Variants in GALNT16 observed in about 807,000 individuals in gnomAD.
GALNT16 encodes polypeptide N-acetylgalactosaminyltransferase 16.
In GALNT16, 40 loss-of-function variants were observed where a neutral mutation model predicts 76.1. The observed-to-expected ratio is 0.53, with a 90% confidence interval of 0.41 to 0.68. The LOEUF (loss-of-function observed/expected upper bound fraction) is 0.68, where lower values mean the gene tolerates loss of function less well. Among genes scored for constraint, GALNT16 ranks in the 30% least tolerant of loss-of-function variants. The probability of loss-of-function intolerance (pLI) is 0.00; values close to 1 mark genes in which losing one functional copy is unlikely to be tolerated. For missense variants in GALNT16, 621 were observed against 731.9 expected, an observed-to-expected ratio of 0.85 and a Z score of 1.75; for synonymous variants, 276 against 285.2, an observed-to-expected ratio of 0.97 and a Z score of 0.32.
intron 1 of GALNT16, among the ~76,000 whole-genome samples, chr14:69,316,782 G>GGGC (rs61163099): frequency 0.3 from 41,609 of 139,484 alleles, 6,536 homozygotes; most frequent in Admixed American, 0.32. Context: ...TGTGAGGGGG[G>GGGC]GGGGCACTGA....
At chr14:69,370,676 A>G in the GALNT16 span, among the ~76,000 whole-genome samples, 1 of 152,200 alleles carries the variant, frequency 6.6e-6, no homozygotes, top group East Asian at 1.9e-4. Context: ...TATTTGAAGC[A>G]CATCTCATAT....
the GALNT16 span, among the ~76,000 whole-genome samples, chr14:69,385,892 C>T: frequency 6.6e-6 from 1 of 152,152 alleles, no homozygotes; most frequent in East Asian, 1.9e-4. Context: ...TCATTGCTCC[C>T]TGCTCCTCCA....
chr14:69,377,111 G>A, the GALNT16 span, among the ~76,000 whole-genome samples: 72 of 152,288 alleles, frequency 4.7e-4, no homozygotes, highest in Admixed American at 3.5e-3. Context: ...TGTTTTCTGT[G>A]TCCCCTGTGC....
At chr14:69,295,314 C>T (rs1382262968) in intron 1 of GALNT16, among the ~76,000 whole-genome samples, 3 of 150,556 alleles carry the variant, frequency 2.0e-5, no homozygotes, top group Non-Finnish European at 4.4e-5. Flanking sequence ...ACTTGAGAGG[C>T]TGAGACGGGA....
rs376007601 is a variant in GALNT16 at position 69,333,500 on chromosome 14, G to A, written c.867G>A (p.Thr289=). The A allele has an allele frequency of 2.0e-5, 32 of 1,601,244 alleles. No homozygotes were observed. In the African/African-American group the frequency reaches 2.9e-4, roughly 15 times the overall value. The part of the protein sequence containing the change: ...TRTDPTRPIR[T]PVIAGGIFVI... ...TCTTCCCTCTCCTTGCTCCCAGGAC[G>A]CCTGTCATAGCTGGAGGAATCTTCG... is the stretch of plus-strand genomic sequence containing the variant. Residue 289 remains threonine, a synonymous_variant, in exon 9 of 15, where the codon ACG becomes ACA. Coordinates refer to ENST00000448469, the MANE Select transcript of GALNT16 (RefSeq NM_001168368.2). The surrounding 1 kb of genome is among the most constrained non-coding windows in gnomAD (Gnocchi z 4.2).
intron 1 of GALNT16, among the ~76,000 whole-genome samples, chr14:69,288,408 T>C (rs1377822139): frequency 6.6e-6 from 1 of 152,154 alleles, no homozygotes; most frequent in Non-Finnish European, 1.5e-5. Context: ...TCTGATGCAA[T>C]TGGTGGTGAA....
the GALNT16 span, among the ~76,000 whole-genome samples, chr14:69,366,349 G>A: frequency 6.6e-6 from 1 of 151,540 alleles, no homozygotes; most frequent in South Asian, 2.1e-4. Flanking sequence ...TGAATCCTTC[G>A]AAGGCACCAA....
chr14:69,320,957 A>C, intron 2 of GALNT16, 89 bp downstream of exon 2: 1 of 1,266,768 alleles, frequency 7.9e-7, no homozygotes, highest in Non-Finnish European at 1.1e-6. Flanking sequence ...TATCTAAGAA[A>C]TGAGGATGAT....
In GALNT16 at chr14:69,333,473, C is replaced by T. The variant is rs200847365; in HGVS notation, c.864-24C>T. 305 of 1,446,446 alleles carry T rather than the reference C, an allele frequency of 2.1e-4. 1 individual carries two copies. Among genetic ancestry groups the T allele is most frequent in the African/African-American group, 1.7e-3 (120 of 71,980 alleles). The allele number at this position is 1,446,446 out of a possible 1,614,324, so 89.6% of individuals were successfully genotyped here. ...CCTTGCTTCTCCAGCTCACGTGTTG[C>T]GTCTTCCCTCTCCTTGCTCCCAGGA... On this transcript the variant is annotated intron_variant, in intron 8 of 14. Coordinates refer to ENST00000448469, the MANE Select transcript of GALNT16 (RefSeq NM_001168368.2). This position sits in a 1 kb window ranked among gnomAD's most constrained non-coding sequence, Gnocchi z 4.2.
chr14:69,275,126 T>C (rs973422544), intron 1 of GALNT16, among the ~76,000 whole-genome samples: 1 of 152,156 alleles, frequency 6.6e-6, no homozygotes, highest in African/African-American at 2.4e-5. Flanking sequence ...GGGGTGACCA[T>C]AGCAGGTGCC....
chr14:69,363,275 G>A, the GALNT16 span, among the ~76,000 whole-genome samples: 1 of 152,288 alleles, frequency 6.6e-6, no homozygotes, highest in East Asian at 1.9e-4. Context: ...TGGCAGTCAC[G>A]CTGCCGAGAA....
At chr14:69,339,786 GA>G (rs1838029470) in intron 11 of GALNT16, among the ~76,000 whole-genome samples, 167 bp downstream of exon 11, 1 of 152,254 alleles carries the variant, frequency 6.6e-6, no homozygotes, top group South Asian at 2.1e-4. Context: ...CAACCGCAGA[GA>G]CAAGACCTTA....
At chr14:69,291,996 C>T (rs1025546797) in intron 1 of GALNT16, among the ~76,000 whole-genome samples, 16 of 152,214 alleles carry the variant, frequency 1.1e-4, no homozygotes, top group African/African-American at 3.9e-4. Context: ...CTCCTGGGCA[C>T]AGGCCTGATG....
intron 1 of GALNT16, among the ~76,000 whole-genome samples, chr14:69,271,435 G>A (rs910612504): frequency 6.6e-6 from 1 of 152,228 alleles, no homozygotes; most frequent in Non-Finnish European, 1.5e-5. Context: ...ACAGGTCTGA[G>A]CGAGAGTGCT....
intron 1 of GALNT16, among the ~76,000 whole-genome samples, chr14:69,302,003 C>A (rs2044860506): frequency 6.6e-6 from 1 of 152,050 alleles, no homozygotes; most frequent in Non-Finnish European, 1.5e-5. Flanking sequence ...ACACAGAAAA[C>A]AGAATCTCAA....
At chr14:69,309,812 G>A (rs2140149363) in intron 1 of GALNT16, among the ~76,000 whole-genome samples, 1 of 152,254 alleles carries the variant, frequency 6.6e-6, no homozygotes, top group East Asian at 1.9e-4. Context: ...AAAATGTTAA[G>A]TCTTTGTATA....
At chr14:69,362,410 G>C in the GALNT16 span, among the ~76,000 whole-genome samples, 1 of 152,252 alleles carries the variant, frequency 6.6e-6, no homozygotes, top group African/African-American at 2.4e-5. Context: ...TCCACCAGGT[G>C]CCTGGATCTC....
At chr14:69,306,532 G>T (rs928302036) in intron 1 of GALNT16, among the ~76,000 whole-genome samples, 5 of 152,258 alleles carry the variant, frequency 3.3e-5, no homozygotes, top group Middle Eastern at 3.4e-3. Flanking sequence ...TCAGTTGAGA[G>T]AACATAATTT....
In GALNT16 at chr14:69,326,069, G is replaced by T. The variant is rs771261143; in HGVS notation, c.568+42G>T. On this transcript the variant is annotated intron_variant, in intron 5 of 14. Coordinates refer to ENST00000448469, the MANE Select transcript of GALNT16 (RefSeq NM_001168368.2). ...TGGGTCCCACCAAGGGCCCATCTTG[G>T]TGTCATCCTGTGCACTTCCCCACTC... 4.2e-6 allele frequency: 6 copies of T among 1,439,214 alleles called. No homozygotes were observed. In the South Asian group the frequency reaches 5.7e-5, roughly 14 times the overall value. The allele number at this position is 1,439,214 out of a possible 1,614,324, so 89.2% of individuals were successfully genotyped here. A position where few individuals can be genotyped will look rare whatever the true frequency, so the allele number is the denominator to read the frequency against.
Sources: gnomAD v4.1 joint callset for allele counts (sites outside exome capture counted in the v4.1 genomes callset) on GRCh38, gnomAD v4.1.1 for gene constraint, Gnocchi (gnomAD v3.1) non-coding constraint, MANE v1.5 for transcripts, NCBI Gene and HGNC (gene_info 2026-07-23, HGNC 2026-07-21) for gene names.